Variants in WWOX observed in about 807,000 individuals in gnomAD.
WWOX encodes WW domain-containing oxidoreductase.
Under a neutral mutation model 46.2 loss-of-function variants are expected in WWOX, and 69 were observed. The ratio of observed to expected loss-of-function variants is 1.49; its 90% confidence interval spans 1.23 to 1.82. WWOX has a LOEUF of 1.82. Ranked by LOEUF, WWOX falls within the 40% of genes most tolerant of loss-of-function variation. The pLI is 0.00. For missense variants in WWOX, 919 were observed against 542.6 expected (o/e 1.69, Z -6.89); for synonymous variants, 359 against 202.6 (o/e 1.77, Z -6.56).
At chr16:78,152,049 G>T (rs2034428451) in intron 4 of WWOX, among the ~76,000 whole-genome samples, 1 of 152,154 alleles carries the variant, frequency 6.6e-6, no homozygotes, top group Non-Finnish European at 1.5e-5. Flanking sequence ...AATTAGCCGG[G>T]TGTGGTGGCG....
chr16:78,513,064 A>G (rs2085402243), intron 8 of WWOX, among the ~76,000 whole-genome samples: 1 of 152,226 alleles, frequency 6.6e-6, no homozygotes, highest in Non-Finnish European at 1.5e-5. Flanking sequence ...AAAGTTAAGT[A>G]GTAAACGTAA....
At chr16:79,154,173 A>G (rs1034680618) in intron 8 of WWOX, among the ~76,000 whole-genome samples, 3 of 152,354 alleles carry the variant, frequency 2.0e-5, no homozygotes, top group Admixed American at 6.5e-5. Context: ...AACTTGGGTC[A>G]TGCCACTACA....
intron 8 of WWOX, among the ~76,000 whole-genome samples, chr16:78,683,185 A>T (rs978002850): frequency 5.9e-5 from 9 of 152,132 alleles, no homozygotes; most frequent in South Asian, 2.1e-4. Context: ...GGTCTTTAAA[A>T]TTTTTTTTAA....
intron 8 of WWOX, among the ~76,000 whole-genome samples, chr16:78,904,239 T>C (rs2044902759): frequency 7.0e-6 from 1 of 143,704 alleles, no homozygotes; most frequent in East Asian, 2.0e-4. Flanking sequence ...AATGCCTTTT[T>C]TTTTTTTTTT....
intron 5 of WWOX, among the ~76,000 whole-genome samples, chr16:78,198,307 A>G (rs531860026): frequency 4.2e-4 from 64 of 152,256 alleles, no homozygotes; most frequent in Non-Finnish European, 5.0e-4. Context: ...AATGAAACCA[A>G]CAAAACTAAA....
At chr16:79,172,932 G>T (rs2050729435) in intron 8 of WWOX, among the ~76,000 whole-genome samples, 1 of 152,146 alleles carries the variant, frequency 6.6e-6, no homozygotes, top group South Asian at 2.1e-4. Flanking sequence ...GAGGCAGGAA[G>T]ATTGCTTGAG....
At chr16:78,332,729 TGA>T (rs756154617) in intron 5 of WWOX, among the ~76,000 whole-genome samples, 14 of 152,202 alleles carry the variant, frequency 9.2e-5, no homozygotes, top group Non-Finnish European at 1.6e-4. Context: ...TCATGATGAC[TGA>T]GGATCACTGA....
At chr16:79,006,945 A>C (rs1025186381) in intron 8 of WWOX, among the ~76,000 whole-genome samples, 1 of 152,156 alleles carries the variant, frequency 6.6e-6, no homozygotes, top group African/African-American at 2.4e-5. Context: ...AGATCAGCTG[A>C]TTAGCAACGT....
At chr16:78,841,254 A>G (rs2052140485) in intron 8 of WWOX, among the ~76,000 whole-genome samples, 1 of 152,214 alleles carries the variant, frequency 6.6e-6, no homozygotes, top group East Asian at 1.9e-4. Context: ...TCTCAATACC[A>G]TCTTGAAACA....
At chr16:78,363,499 G>A (rs988648099) in intron 5 of WWOX, among the ~76,000 whole-genome samples, 2 of 151,976 alleles carry the variant, frequency 1.3e-5, no homozygotes, top group African/African-American at 4.8e-5. Flanking sequence ...GGCTGTCCTT[G>A]AACTCCTGGG....
intron 5 of WWOX, among the ~76,000 whole-genome samples, chr16:78,295,759 C>T (rs1175523165): frequency 6.6e-6 from 1 of 151,844 alleles, no homozygotes; most frequent in Non-Finnish European, 1.5e-5. Flanking sequence ...AACTTGTCTC[C>T]AAATGAGCAG....
chr16:79,080,587 A>G (rs1080511), intron 8 of WWOX, among the ~76,000 whole-genome samples: 1 of 152,270 alleles, frequency 6.6e-6, no homozygotes, highest in African/African-American at 2.4e-5. Flanking sequence ...CTCGAATCCA[A>G]ATTCCTGGAT....
At chr16:78,368,686 C>A (rs1205378992) in intron 5 of WWOX, among the ~76,000 whole-genome samples, 1 of 152,174 alleles carries the variant, frequency 6.6e-6, no homozygotes, top group Admixed American at 6.5e-5. Flanking sequence ...GGTGTCCCCT[C>A]CCTTCCCCTC....
At position 78,245,715 on chromosome 16, in the gene WWOX, G is replaced by A. The variant is rs529983380; in HGVS notation, c.516+81426G>A. ...CCATAGAATGCCACCACATGGAATC[G>A]GTCCTGAGGCTTCTGAAAGCAGTTC... On this transcript the variant is annotated intron_variant, in intron 5 of 8. Transcript: ENST00000566780. Among the ~76,000 whole-genome samples, 8 of 152,316 alleles carry A rather than the reference G, an allele frequency of 5.3e-5. No homozygotes were observed. In the South Asian group the frequency reaches 1.7e-3, roughly 32 times the overall value.
At chr16:78,326,587 C>CG (rs1349981935) in intron 5 of WWOX, among the ~76,000 whole-genome samples, 2 of 106,328 alleles carry the variant, frequency 1.9e-5, no homozygotes, top group South Asian at 4.4e-4. Context: ...GCCCCCCCCC[C>CG]CCGCAATGCC....
intron 8 of WWOX, among the ~76,000 whole-genome samples, chr16:78,602,112 C>G (rs1249347392): frequency 6.6e-6 from 1 of 152,196 alleles, no homozygotes; most frequent in South Asian, 2.1e-4. Flanking sequence ...TTATTACACG[C>G]TTTTGAACTA....
chr16:78,145,590 T>C (rs1369752634), intron 4 of WWOX, among the ~76,000 whole-genome samples: 1 of 152,144 alleles, frequency 6.6e-6, no homozygotes, highest in African/African-American at 2.4e-5. Context: ...TGGGTCTGTC[T>C]CTCTTCATCC....
At chr16:78,379,571 G>A (rs1458248578) in intron 5 of WWOX, among the ~76,000 whole-genome samples, 1 of 152,142 alleles carries the variant, frequency 6.6e-6, no homozygotes, top group Non-Finnish European at 1.5e-5. Flanking sequence ...TCTGTGCCAG[G>A]GATTCTTTTG....
chr16:78,240,822 G>T (rs2037619731), intron 5 of WWOX, among the ~76,000 whole-genome samples: 1 of 152,184 alleles, frequency 6.6e-6, no homozygotes, highest in Admixed American at 6.5e-5. Context: ...CCCTTTAGAA[G>T]ATCCCTGTCT....
Sources: allele counts gnomAD v4.1 joint callset (sites outside exome capture counted in the v4.1 genomes callset), GRCh38; gene constraint gnomAD v4.1.1; transcripts MANE v1.5; gene names NCBI Gene and HGNC (gene_info 2026-07-23, HGNC 2026-07-21).